Variants in TNK2 observed in about 807,000 individuals in gnomAD.
The protein encoded by TNK2 is tyrosine kinase non receptor 2.
Under a neutral mutation model 101.8 loss-of-function variants are expected in TNK2, and 83 were observed. The observed-to-expected ratio is 0.82, with a 90% CI of 0.68 to 0.98. TNK2 has a LOEUF of 0.98. TNK2 is among the 50% of genes least tolerant of loss of function. The pLI, the probability that TNK2 is intolerant of heterozygous loss-of-function variation, is 0.00. For synonymous variants in TNK2, 804 were observed against 633.0 expected (o/e 1.27, Z -4.06); for missense variants, 1,665 against 1,483.2 (o/e 1.12, Z -2.01).
At position 195,886,831 on chromosome 3, in the gene TNK2, C is replaced by T; in HGVS notation, c.234+146G>A. On this transcript the variant is annotated intron_variant, in intron 3 of 15. Transcript: ENST00000672887. This position sits in a 1 kb window ranked among gnomAD's most constrained non-coding sequence, Gnocchi z 4.2. Reference sequence around the variant, plus strand: ...CTACAAGTGCCCTGCCCGATAAGACCCTGGACGAGGGGGTCCTGTACAAAG... The same window carrying T: ...CTACAAGTGCCCTGCCCGATAAGACTCTGGACGAGGGGGTCCTGTACAAAG... The T allele has an allele frequency of 1.2e-6, 1 of 857,182 alleles. No homozygotes were observed. The highest frequency in any genetic ancestry group is 2.2e-4 in the Middle Eastern group (1 of 4,474). The allele number at this position is 857,182 out of a possible 1,614,324, so 53.1% of individuals were successfully genotyped here.
intron 6 of TNK2, 34 bp from the exon 7 acceptor site, chr3:195,879,209 C>CA (rs1168706120): frequency 1.4e-5 from 22 of 1,611,084 alleles, no homozygotes; most frequent in Non-Finnish European, 1.9e-5. Context: ...GAAGCCCTCT[C>CA]AAACACCCTA....
chr3:195,867,380 G>T lies in TNK2; in HGVS notation c.2918C>A (p.Pro973Gln), dbSNP rs754464002. ...GCTCACCATCTGGATCTTGTCTGCTGGCCGGCCCGCCTCTGGCCCATCGCC... is the reference window on the plus strand; with the variant it reads ...GCTCACCATCTGGATCTTGTCTGCTTGCCGGCCCGCCTCTGGCCCATCGCC... Reference protein sequence around the residue: ...CPGDGPEAGRPADKIQMLQAM... With the variant: ...CPGDGPEAGRQADKIQMLQAM... The change falls in exon 13 of 16, where the codon CCA (proline) becomes CAA (glutamine). Residue 973 changes from proline (P) to glutamine (Q), a missense_variant. Pro to Gln is a moderately conservative substitution (Grantham distance 76). Transcript: ENST00000672887. 1 of 1,604,880 alleles carries T rather than the reference G, an allele frequency of 6.2e-7. No homozygotes were observed. Among genetic ancestry groups the T allele is most frequent in the Middle Eastern group, 1.7e-4 (1 of 5,974 alleles).
Position 195,868,037 on chromosome 3 carries a change from A to G in TNK2, c.2261T>C (p.Val754Ala). Residue 754 changes from valine to alanine, a missense_variant, in exon 13 of 16, where the codon GTG (valine) becomes GCG (alanine). Val to Ala is a moderately conservative substitution (Grantham distance 64, BLOSUM62 0). Around this residue, in one of 3 missense-constraint regions of TNK2, gnomAD observed 1,136 missense variants for 894.9 expected, o/e 1.27. Transcript: ENST00000672887. ...AGGGGGGATGGGTACCCGAGGAGGCACCTGGGGCTTGTCGTCACCCCCCGG... is the reference window on the plus strand; with the variant it reads ...AGGGGGGATGGGTACCCGAGGAGGCGCCTGGGGCTTGTCGTCACCCCCCGG... ...PSPGGDDKPQ[V>A]PPRVPIPPRP... 6.3e-7 allele frequency: 1 copy of G among 1,593,644 alleles called. No individual in the cohort carries two copies.
Position 195,882,220 on chromosome 3 carries a change from T to C in TNK2, c.718A>G (p.Met240Val). 6.2e-7 allele frequency: 1 copy of C among 1,613,880 alleles called. No individual in the cohort carries two copies. Among genetic ancestry groups the C allele is most frequent in the Non-Finnish European group, 8.5e-7 (1 of 1,180,034 alleles). ...AAGCGCTTGGACTCCAGGTAGCCCA[T>C]GCCCTCAGCCACCTGCACAGCGTAG... ...SRYAVQVAEG[M>V]GYLESKRFIH... The change falls in exon 6 of 16, where the codon ATG (methionine) becomes GTG (valine). Residue 240 changes from methionine to valine, a missense_variant. This residue lies in a region of TNK2 where 490 missense variants were observed against 522.5 expected (regional missense o/e 0.94). Coordinates refer to ENST00000672887, the MANE Select transcript of TNK2 (RefSeq NM_001382273.1). The surrounding 1 kb of genome is among the most constrained non-coding windows in gnomAD (Gnocchi z 4.2).
At position 195,868,644 on chromosome 3, in the gene TNK2, G is replaced by A. The variant is rs989041731; in HGVS notation, c.1654C>T (p.Leu552=). 4 of 1,594,302 alleles carry A rather than the reference G, an allele frequency of 2.5e-6. No homozygotes were observed. Among genetic ancestry groups the A allele is most frequent in the African/African-American group, 1.3e-5 (1 of 74,558 alleles). Residue 552 remains leucine, a synonymous_variant, in exon 13 of 16, where the codon CTG becomes TTG. Coordinates refer to ENST00000672887, the MANE Select transcript of TNK2 (RefSeq NM_001382273.1). ...PLSSDFKRLG[L]RKPGLPRGLW... ...CCTCGGGGCAGGCCTGGCTTCCGCA[G>A]GCCCAGCCTCTTGAAGTCGCTGGAC... is the stretch of plus-strand genomic sequence containing the variant.
rs761557399 is a variant in TNK2, at chr3:195,867,244, C to T, written c.2958G>A (p.Gly986=). 1 of 1,612,886 alleles carries T rather than the reference C, an allele frequency of 6.2e-7. No individual in the cohort carries two copies. Among genetic ancestry groups the T allele is most frequent in the Non-Finnish European group, 8.5e-7 (1 of 1,179,876 alleles). ...CCGCCTGGCACTCCTCTGTGGTCAC[C>T]CCATGCACCATGGCCTGCAGCTGGG... ...KIQMLQAMVH[G]VTTEECQAAL... Residue 986 remains glycine (G), a synonymous_variant, in exon 14 of 16, where the codon GGG becomes GGA. Coordinates refer to ENST00000672887, the MANE Select transcript of TNK2 (RefSeq NM_001382273.1).
intron 1 of TNK2, among the ~76,000 whole-genome samples, chr3:195,903,717 C>CA (rs1438248643): frequency 4.6e-5 from 7 of 151,642 alleles, no homozygotes; most frequent in African/African-American, 1.5e-4. Flanking sequence ...AACTCCATCT[C>CA]AAAAAAACAA....
intron 2 of TNK2, 74 bp from the exon 3 acceptor site, chr3:195,887,121 T>C (rs1054764983): frequency 1.4e-4 from 214 of 1,507,728 alleles, no homozygotes; most frequent in Non-Finnish European, 1.9e-4. Context: ...TGTGGTCCCC[T>C]TGGGGGTGAG....
intron 9 of TNK2, chr3:195,876,297 T>C (rs1193159948): frequency 9.7e-6 from 4 of 412,218 alleles, no homozygotes; most frequent in Non-Finnish European, 2.0e-5. Flanking sequence ...CAGTCAGAGC[T>C]GCGGCAGGTG....
In TNK2 at chr3:195,882,985, C is replaced by T. The variant is rs1288070584; in HGVS notation, c.609+172G>A. ...GAGACAGACCCGGACTGGACCGCAG[C>T]AGACACAGCCCGTACCAGGCTGGGC... On this transcript the variant is annotated intron_variant, in intron 5 of 15. Transcript: ENST00000672887. The surrounding 1 kb of genome is among the most constrained non-coding windows in gnomAD (Gnocchi z 4.2). Among the ~76,000 whole-genome samples the T allele has an allele frequency of 6.6e-6, 1 of 152,216 alleles. No homozygotes were observed. Among genetic ancestry groups the T allele is most frequent in the African/African-American group, 2.4e-5 (1 of 41,452 alleles).
intron 6 of TNK2, among the ~76,000 whole-genome samples, chr3:195,881,475 C>T (rs1752794876): frequency 7.7e-6 from 1 of 129,618 alleles, no homozygotes; most frequent in South Asian, 2.6e-4. Flanking sequence ...AGGATCTGTC[C>T]CTCTAACACC....
chr3:195,866,484 G>A (rs1280182556), intron 15 of TNK2, among the ~76,000 whole-genome samples: 3 of 152,178 alleles, frequency 2.0e-5, no homozygotes, highest in African/African-American at 7.2e-5. Context: ...TTACAGCCAT[G>A]AGCCACGGTG....
chr3:195,873,814 G>A (rs897918862), intron 9 of TNK2, among the ~76,000 whole-genome samples: 1 of 151,774 alleles, frequency 6.6e-6, no homozygotes, highest in Non-Finnish European at 1.5e-5. Flanking sequence ...CACCACGGTC[G>A]GCGGGGAGGC....
At chr3:195,869,937 A>G in intron 11 of TNK2, 177 bp downstream of exon 11, 1 of 581,630 alleles carries the variant, frequency 1.7e-6, no homozygotes, top group Non-Finnish European at 3.1e-6. Context: ...CGGCGGATAC[A>G]GCTGCCTGTC....
chr3:195,870,298 G>C lies in TNK2; in HGVS notation c.1452-93C>G, dbSNP rs762963687. On this transcript the variant is annotated intron_variant, in intron 10 of 15. Coordinates refer to ENST00000672887, the MANE Select transcript of TNK2 (RefSeq NM_001382273.1). ...AGCCCCTTCGTCCTGGAGGAAACCG[G>C]GTGTAGTCTTGGGTCTGAAGCACAG... 8 of 1,562,372 alleles carry C rather than the reference G, an allele frequency of 5.1e-6. No homozygotes were observed. In the African/African-American group the frequency reaches 8.2e-5, roughly 16 times the overall value.
chr3:195,901,607 G>A (rs550124398), intron 1 of TNK2, among the ~76,000 whole-genome samples: 140 of 152,214 alleles, frequency 9.2e-4, no homozygotes, highest in African/African-American at 3.2e-3. Flanking sequence ...ATGCCCACCC[G>A]ATGCTGGTTT....
chr3:195,870,568 G>A (rs1007672754), intron 10 of TNK2, among the ~76,000 whole-genome samples: 2 of 152,244 alleles, frequency 1.3e-5, no homozygotes, highest in African/African-American at 4.8e-5. Flanking sequence ...TAAGAACGGG[G>A]CATCCCAGCT....
chr3:195,877,482 C>G (rs1228343972), intron 9 of TNK2, among the ~76,000 whole-genome samples: 1 of 152,200 alleles, frequency 6.6e-6, no homozygotes, highest in Non-Finnish European at 1.5e-5. Flanking sequence ...CCCATCCTTG[C>G]CTGGCCTGAG....
chr3:195,892,415 T>A, intron 1 of TNK2: 1 of 1,534,660 alleles, frequency 6.5e-7, no homozygotes. Context: ...ACTCACTGTG[T>A]ACAGGCGTCG....
Sources: gnomAD v4.1 joint callset for allele counts (sites outside exome capture counted in the v4.1 genomes callset) on GRCh38, gnomAD v4.1.1 for gene constraint, gnomAD v4.1.1 regional missense constraint, Gnocchi (gnomAD v3.1) non-coding constraint, MANE v1.5 for transcripts, NCBI Gene and HGNC (gene_info 2026-07-23, HGNC 2026-07-21) for gene names.